The following AGO1 variants were observed in gnomAD, a reference collection of about 807,000 sequenced individuals.
AGO1 encodes the protein protein argonaute-1.
AGO1 carries 11 observed loss-of-function variants against 109.2 expected under a neutral mutation model. The observed-to-expected ratio is 0.10, with a 90% CI of 0.06 to 0.17. The LOEUF is 0.17. Ranked by LOEUF, AGO1 falls within the 10% of genes least tolerant of loss-of-function variation. The probability of loss-of-function intolerance (pLI) is 1.00; values close to 1 mark genes in which losing one functional copy is unlikely to be tolerated. For missense variants in AGO1, 574 were observed against 1,140.3 expected, an observed-to-expected ratio of 0.50 and a Z score of 7.15; for synonymous variants, 422 against 418.6, an observed-to-expected ratio of 1.01 and a Z score of -0.10.
chr1:35,901,478 G>C lies in AGO1; in HGVS notation c.1025G>C (p.Cys342Ser). The change falls in exon 9 of 19, where the codon TGT (cysteine) becomes TCT (serine). Residue 342 changes from cysteine to serine, a missense_variant. By Grantham distance (112) the Cys-to-Ser change is moderately radical. This residue lies in a region of AGO1 where 42 missense variants were observed against 142.4 expected (regional missense o/e 0.29). Coordinates refer to ENST00000373204, the MANE Select transcript of AGO1 (RefSeq NM_012199.5). The surrounding 1 kb of genome is among the most constrained non-coding windows in gnomAD (Gnocchi z 4.8). Reference sequence around the variant, plus strand: ...CTGTCCTTCTTGTTTCCTCAGGTCTGTAACATTGTGGCTGGGCAGCGCTGT... The same window carrying C: ...CTGTCCTTCTTGTTTCCTCAGGTCTCTAACATTGTGGCTGGGCAGCGCTGT... ...QKHTYLPLEV[C>S]NIVAGQRCIK... is the part of the protein sequence containing the mutation. 6.2e-7 allele frequency: 1 copy of C among 1,614,040 alleles called. No homozygotes were observed. The highest frequency in any genetic ancestry group is 8.5e-7 in the Non-Finnish European group (1 of 1,179,964).
rs1437672957 is a variant in AGO1, at chr1:35,928,610, T to C, written c.*9003T>C. ...CCAGCCTCTTTTACCTGTTTCAAAATTGAGTTTTATTGAGTTGTAAGAGTT... is the reference window on the plus strand; with the variant it reads ...CCAGCCTCTTTTACCTGTTTCAAAACTGAGTTTTATTGAGTTGTAAGAGTT... On this transcript the variant is annotated 3_prime_UTR_variant, in exon 19 of 19. Coordinates refer to ENST00000373204, the MANE Select transcript of AGO1 (RefSeq NM_012199.5). 1 of 152,214 alleles carries C rather than the reference T, an allele frequency of 6.6e-6. No homozygotes were observed. Among genetic ancestry groups the C allele is most frequent in the African/African-American group, 2.4e-5 (1 of 41,452 alleles). The allele number at this position is 152,214 out of a possible 1,614,324, so 9.4% of individuals were successfully genotyped here.
intron 7 of AGO1, 60 bp downstream of exon 7, chr1:35,894,462 C>T: frequency 6.6e-7 from 1 of 1,515,314 alleles, no homozygotes; most frequent in South Asian, 1.2e-5. Context: ...AGATTTAAAA[C>T]TATCTTTCCC....
At chr1:35,914,113 A>G (rs1365898726) in intron 13 of AGO1, 71 bp from the exon 14 acceptor site, 4 of 1,593,082 alleles carry the variant, frequency 2.5e-6, no homozygotes, top group Admixed American at 1.7e-5. Context: ...AGAAGAGCAG[A>G]GTGGGTACTG....
Position 35,883,209 on chromosome 1 carries a change from A to G in AGO1, c.-213A>G. 6 of 1,199,704 alleles carry G rather than the reference A, an allele frequency of 5.0e-6. No individual in the cohort carries two copies. The highest frequency in any genetic ancestry group is 6.2e-6 in the Non-Finnish European group (6 of 964,898). 74.3% of individuals were successfully genotyped at this position (1,199,704 alleles called of 1,614,324 possible). On this transcript the variant is annotated 5_prime_UTR_variant, in exon 1 of 19. Coordinates refer to ENST00000373204, the MANE Select transcript of AGO1 (RefSeq NM_012199.5). This position sits in a 1 kb window ranked among gnomAD's most constrained non-coding sequence, Gnocchi z 5.4. ...CTGGGCCCGGCGGTCGCGCCTGCGC[A>G]CTGGCAGCTGGCCGGGCGCTCGCAG...
chr1:35,897,803 G>A (rs918816241), intron 8 of AGO1, among the ~76,000 whole-genome samples: 1 of 152,138 alleles, frequency 6.6e-6, no homozygotes, highest in African/African-American at 2.4e-5. Flanking sequence ...AAATGATTAG[G>A]TAGTTTTAGT....
intron 1 of AGO1, among the ~76,000 whole-genome samples, chr1:35,885,423 A>G (rs1645105472): frequency 6.6e-6 from 1 of 152,230 alleles, no homozygotes; most frequent in South Asian, 2.1e-4. Context: ...GGAGTCAGCC[A>G]AAGCCTTGGG....
rs376685024 is a variant in AGO1, at chr1:35,926,861, C to T, written c.*7254C>T. ...AGGTTTTTTAGGCCTTTGTGGCTTA[C>T]CCTGCAGGAACATACTGTGTCCTGT... On this transcript the variant is annotated 3_prime_UTR_variant, in exon 19 of 19. Coordinates refer to ENST00000373204, the MANE Select transcript of AGO1 (RefSeq NM_012199.5). 6.6e-6 allele frequency: 1 copy of T among 152,020 alleles called. No individual in the cohort carries two copies. The highest frequency in any genetic ancestry group is 2.4e-5 in the African/African-American group (1 of 41,390). The allele number at this position is 152,020 out of a possible 1,614,324, so 9.4% of individuals were successfully genotyped here. A position where few individuals can be genotyped will look rare whatever the true frequency, so the allele number is the denominator to read the frequency against.
At chr1:35,882,729 G>T (rs889500325), upstream of AGO1, 1 of 804,132 alleles carries the variant, frequency 1.2e-6, no homozygotes, top group Non-Finnish European at 1.5e-6. This position sits in a 1 kb window ranked among gnomAD's most constrained non-coding sequence, Gnocchi z 5.1. Flanking sequence ...GGAAGAGGGG[G>T]TGGCGTCAGT....
chr1:35,921,081 C>G lies in AGO1; in HGVS notation c.*1474C>G, dbSNP rs1204943412. 1 of 152,664 alleles carries G rather than the reference C, an allele frequency of 6.6e-6. No homozygotes were observed. The highest frequency in any genetic ancestry group is 1.5e-5 in the Non-Finnish European group (1 of 68,174). The allele number at this position is 152,664 out of a possible 1,614,324, so 9.5% of individuals were successfully genotyped here. A position where few individuals can be genotyped will look rare whatever the true frequency, so the allele number is the denominator to read the frequency against. ...TAATACCTTTTTCTTGCTATAGCCT[C>G]CCTCCTCTGCACTGTCCTGCACTCT... On this transcript the variant is annotated 3_prime_UTR_variant, in exon 19 of 19. Transcript: ENST00000373204.
At position 35,927,871 on chromosome 1, in the gene AGO1, T is replaced by C. The variant is rs1175609979; in HGVS notation, c.*8264T>C. 2.0e-5 allele frequency: 3 copies of C among 152,236 alleles called. No homozygotes were observed. The highest frequency in any genetic ancestry group is 7.2e-5 in the African/African-American group (3 of 41,456). 9.4% of individuals were successfully genotyped at this position (152,236 alleles called of 1,614,324 possible). On this transcript the variant is annotated 3_prime_UTR_variant, in exon 19 of 19. Coordinates refer to ENST00000373204, the MANE Select transcript of AGO1 (RefSeq NM_012199.5). The stretch of plus-strand genomic sequence containing the variant: ...TCCCTAAAGCCCATGTTTTATATTG[T>C]ATCTTGCTAGAGTATAAAGTAACTT...
chr1:35,914,043 G>T, intron 13 of AGO1, 42 bp downstream of exon 13: 1 of 1,611,860 alleles, frequency 6.2e-7, no homozygotes, highest in Non-Finnish European at 8.5e-7. Context: ...AAGGTACCAT[G>T]CTGGGAATTG....
intron 12 of AGO1, among the ~76,000 whole-genome samples, chr1:35,911,773 T>C (rs1645637042): frequency 6.6e-6 from 1 of 152,146 alleles, no homozygotes. Flanking sequence ...CTCTATACAC[T>C]AATTTTTTTT....
At position 35,907,055 on chromosome 1, in the gene AGO1, CAAG is replaced by C; in HGVS notation, c.1521_1523del (p.Lys507del). ...GCGTGGAGCCTATGTTCCGGCATCTCAAGAACACCTACTCAGGGCTGCAGCTCA... is the reference window on the plus strand; with the variant it reads ...GCGTGGAGCCTATGTTCCGGCATCTCAACACCTACTCAGGGCTGCAGCTCA... On this transcript the variant is annotated inframe_deletion, in exon 12 of 19. Coordinates refer to ENST00000373204, the MANE Select transcript of AGO1 (RefSeq NM_012199.5). 6.2e-7 allele frequency: 1 copy of C among 1,614,092 alleles called. No individual in the cohort carries two copies. The highest frequency in any genetic ancestry group is 1.1e-5 in the South Asian group (1 of 91,074).
intron 2 of AGO1, among the ~76,000 whole-genome samples, chr1:35,889,586 A>G (rs929569200): frequency 6.6e-6 from 1 of 152,168 alleles, no homozygotes; most frequent in African/African-American, 2.4e-5. Flanking sequence ...AATATTACAA[A>G]AAGAATAATA....
rs529680344 is a variant in AGO1, at chr1:35,876,877, G to C, written c.-201+6974G>C. ...GGTTCACTGCAGCTTCGACCACCTG[G>C]GCTGGGCTTAAGTGATCCTCCTGCC... is the stretch of plus-strand genomic sequence containing the variant. On this transcript the variant is annotated intron_variant, in intron 1 of 18. Transcript: ENST00000373206. Among the ~76,000 whole-genome samples, 81 of 152,166 alleles carry C rather than the reference G, an allele frequency of 5.3e-4. No individual in the cohort carries two copies. The South Asian group carries it at 0.016, about 30-fold the overall frequency.
chr1:35,886,481 G>A (rs896059301), intron 1 of AGO1, among the ~76,000 whole-genome samples: 2 of 152,112 alleles, frequency 1.3e-5, no homozygotes, highest in African/African-American at 4.8e-5. Context: ...GTATGTAGTC[G>A]GGTTTCTGGG....
chr1:35,895,793 G>A (rs939955907), intron 8 of AGO1, among the ~76,000 whole-genome samples: 1 of 152,150 alleles, frequency 6.6e-6, no homozygotes, highest in Non-Finnish European at 1.5e-5. Flanking sequence ...CTAACACTAA[G>A]TTATAGAATA....
rs1287917302 is a variant in AGO1, at chr1:35,922,623, CCTGCCTGT to C, written c.*3023_*3030del. The C allele has an allele frequency of 1.3e-5, 2 of 153,440 alleles. No individual in the cohort carries two copies. The highest frequency in any genetic ancestry group is 2.4e-5 in the African/African-American group (1 of 41,442). 9.5% of individuals were successfully genotyped at this position (153,440 alleles called of 1,614,324 possible). ...GCCTGCCTGCCTGCCTGCCTGCCTGCCTGCCTGTCTGCCTATGTGATGATGAAATCTCT... is the reference window on the plus strand; with the variant it reads ...GCCTGCCTGCCTGCCTGCCTGCCTGCCTGCCTATGTGATGATGAAATCTCT... On this transcript the variant is annotated 3_prime_UTR_variant, in exon 19 of 19. Coordinates refer to ENST00000373204, the MANE Select transcript of AGO1 (RefSeq NM_012199.5).
intron 1 of AGO1, among the ~76,000 whole-genome samples, chr1:35,870,123 C>T (rs989806111): frequency 6.6e-6 from 1 of 152,030 alleles, no homozygotes; most frequent in Admixed American, 6.6e-5. Flanking sequence ...ATCACCCAAG[C>T]GTTCCTGCCC....
Sources: allele counts gnomAD v4.1 joint callset (sites outside exome capture counted in the v4.1 genomes callset), GRCh38; gene constraint gnomAD v4.1.1; regional missense constraint gnomAD v4.1.1; non-coding constraint Gnocchi (gnomAD v3.1); transcripts MANE v1.5; gene names NCBI Gene and HGNC (gene_info 2026-07-23, HGNC 2026-07-21).